Variants in MACROD2 observed in about 807,000 individuals in gnomAD.
The protein encoded by MACROD2 is ADP-ribose glycohydrolase MACROD2.
MACROD2 carries 36 observed loss-of-function variants against 70.4 expected under a neutral mutation model. That is an observed-to-expected ratio of 0.51 (90% CI 0.39 to 0.68). MACROD2 has a LOEUF of 0.68. MACROD2 is among the 30% of genes least tolerant of loss of function. MACROD2 has a pLI of 0.00. For synonymous variants in MACROD2, 172 were observed against 178.8 expected (o/e 0.96, Z 0.30); for missense variants, 496 against 538.4 (o/e 0.92, Z 0.78).
intron 3 of MACROD2, among the ~76,000 whole-genome samples, chr20:14,295,572 G>C (rs1362382025): frequency 6.6e-6 from 1 of 151,596 alleles, no homozygotes; most frequent in Non-Finnish European, 1.5e-5. Context: ...GTGTGGGGGG[G>C]CTGGGGGGAG....
intron 12 of MACROD2, among the ~76,000 whole-genome samples, chr20:15,951,352 A>ACAC (rs1414285468): frequency 3.7e-3 from 342 of 91,932 alleles, no homozygotes; most frequent in Non-Finnish European, 6.2e-3. Flanking sequence ...CACACACACA[A>ACAC]AGAGAGAGAG....
At chr20:15,184,828 C>T (rs149416715) in intron 5 of MACROD2, among the ~76,000 whole-genome samples, 10 of 152,312 alleles carry the variant, frequency 6.6e-5, no homozygotes, top group East Asian at 3.9e-4. Flanking sequence ...ATTAGAAATA[C>T]GCTTGCCCTT....
At chr20:15,467,840 A>G (rs896724057) in intron 7 of MACROD2, among the ~76,000 whole-genome samples, 1 of 152,140 alleles carries the variant, frequency 6.6e-6, no homozygotes, top group Non-Finnish European at 1.5e-5. Flanking sequence ...AAGGGAGAGG[A>G]GGCCCTCTGA....
At chr20:15,984,300 A>T (rs2147461545) in intron 13 of MACROD2, among the ~76,000 whole-genome samples, 1 of 152,212 alleles carries the variant, frequency 6.6e-6, no homozygotes, top group South Asian at 2.1e-4. Context: ...AAATTTTTAA[A>T]ACAATAATTT....
chr20:14,599,821 G>T (rs192990057), intron 4 of MACROD2, among the ~76,000 whole-genome samples: 1 of 152,286 alleles, frequency 6.6e-6, no homozygotes. Context: ...ACAAGACTTG[G>T]CAATGCCTCA....
chr20:15,581,348 A>G (rs1312820589), intron 8 of MACROD2, among the ~76,000 whole-genome samples: 1 of 152,210 alleles, frequency 6.6e-6, no homozygotes, highest in Non-Finnish European at 1.5e-5. Flanking sequence ...CTTCTTGCTG[A>G]ATCTAATGAC....
chr20:14,363,433 G>T (rs188987603), intron 3 of MACROD2, among the ~76,000 whole-genome samples: 1 of 152,184 alleles, frequency 6.6e-6, no homozygotes, highest in Admixed American at 6.5e-5. Flanking sequence ...TACTGCCTAC[G>T]TTATCAGTTA....
chr20:14,913,394 C>T (rs2074052760), intron 5 of MACROD2, among the ~76,000 whole-genome samples: 1 of 151,956 alleles, frequency 6.6e-6, no homozygotes, highest in Non-Finnish European at 1.5e-5. Flanking sequence ...TTTTTCTTAA[C>T]CTATGAAAAA....
chr20:14,550,109 G>C (rs977549460), intron 4 of MACROD2, among the ~76,000 whole-genome samples: 1 of 151,896 alleles, frequency 6.6e-6, no homozygotes. Context: ...TTTTAGTATA[G>C]ACGGGGTTTC....
intron 8 of MACROD2, among the ~76,000 whole-genome samples, chr20:15,756,726 T>C (rs1432086817): frequency 6.6e-6 from 1 of 152,198 alleles, no homozygotes. Context: ...CCTGCAACCA[T>C]TCCAGATGAA....
chr20:15,435,457 C>A (rs899138852), intron 7 of MACROD2, among the ~76,000 whole-genome samples: 1 of 151,902 alleles, frequency 6.6e-6, no homozygotes, highest in Non-Finnish European at 1.5e-5. Context: ...TGTGAAATAC[C>A]AAACTGTTTT....
At chr20:15,450,500 C>T (rs537824438) in intron 7 of MACROD2, among the ~76,000 whole-genome samples, 11 of 151,814 alleles carry the variant, frequency 7.2e-5, no homozygotes, top group Non-Finnish European at 1.3e-4. Flanking sequence ...TATGTACACA[C>T]GTATTATATA....
In MACROD2 at chr20:15,286,854, G is replaced by T. The variant is rs545256024; in HGVS notation, c.540+56793G>T. Among the ~76,000 whole-genome samples, 155 of 152,068 alleles carry T rather than the reference G, an allele frequency of 1.0e-3. 1 individual carries two copies. The highest frequency in any genetic ancestry group is 3.7e-3 in the African/African-American group (152 of 41,478). On this transcript the variant is annotated intron_variant, in intron 6 of 17. Coordinates refer to ENST00000684519, the MANE Select transcript of MACROD2 (RefSeq NM_001351661.2). ...TAGTGCTGCTATTATATTTTTCTTGGTAAATTTGTAGAACCCAGAATTATT... is the reference window on the plus strand; with the variant it reads ...TAGTGCTGCTATTATATTTTTCTTGTTAAATTTGTAGAACCCAGAATTATT...
At chr20:15,029,874 G>A (rs999290248) in intron 5 of MACROD2, among the ~76,000 whole-genome samples, 9 of 151,954 alleles carry the variant, frequency 5.9e-5, no homozygotes, top group Admixed American at 3.9e-4. Flanking sequence ...AGCAGATTAC[G>A]AGGTCAGGAT....
intron 3 of MACROD2, among the ~76,000 whole-genome samples, chr20:14,420,091 G>T (rs73901248): frequency 0.034 from 5,144 of 151,286 alleles, 282 homozygotes; most frequent in African/African-American, 0.12. Context: ...ATACCAAAAG[G>T]TCCTCTAGAA....
intron 4 of MACROD2, among the ~76,000 whole-genome samples, chr20:14,595,255 T>G (rs1037679246): frequency 2.6e-5 from 4 of 152,052 alleles, no homozygotes; most frequent in Non-Finnish European, 5.9e-5. Flanking sequence ...GTGCAGACAA[T>G]TTGAAGGGTG....
intron 3 of MACROD2, among the ~76,000 whole-genome samples, chr20:14,308,533 C>T (rs1040641537): frequency 6.6e-6 from 1 of 152,078 alleles, no homozygotes; most frequent in Non-Finnish European, 1.5e-5. Context: ...TGAAATCAGG[C>T]AAACTGGACT....
chr20:15,873,512 T>C (rs887329775), intron 9 of MACROD2, among the ~76,000 whole-genome samples: 1 of 152,202 alleles, frequency 6.6e-6, no homozygotes, highest in Non-Finnish European at 1.5e-5. Flanking sequence ...TGTACATTTT[T>C]ATTTCATCTT....
At chr20:14,617,849 G>T (rs908922783) in intron 4 of MACROD2, among the ~76,000 whole-genome samples, 1 of 152,116 alleles carries the variant, frequency 6.6e-6, no homozygotes, top group African/African-American at 2.4e-5. Flanking sequence ...TCCTTCAGGC[G>T]AAGCCTCGCA....
Sources: allele counts gnomAD v4.1 joint callset (sites outside exome capture counted in the v4.1 genomes callset), GRCh38; gene constraint gnomAD v4.1.1; transcripts MANE v1.5; gene names NCBI Gene and HGNC (gene_info 2026-07-23, HGNC 2026-07-21).